Variants in ANO2 observed in about 807,000 individuals in gnomAD.
ANO2 encodes anoctamin-2.
A neutral mutation model predicts 124.2 loss-of-function variants in ANO2; 101 were observed. That is an observed-to-expected ratio of 0.81 (90% CI 0.69 to 0.96). The LOEUF (loss-of-function observed/expected upper bound fraction) is 0.96. Among genes scored for constraint, ANO2 ranks in the 40% least tolerant of loss-of-function variants. ANO2 has a pLI of 0.00. For synonymous variants in ANO2, 486 were observed against 482.5 expected (o/e 1.01, Z -0.09); for missense variants, 1,293 against 1,274.5 (o/e 1.01, Z -0.22).
chr12:5,695,439 A>T (rs1306929142), intron 14 of ANO2, among the ~76,000 whole-genome samples: 1 of 152,228 alleles, frequency 6.6e-6, no homozygotes, highest in Admixed American at 6.5e-5. Flanking sequence ...AAAAAAATCA[A>T]CATCATACAT....
Position 5,769,764 on chromosome 12 carries a change from C to T in ANO2, c.1056-18794G>A, listed in dbSNP as rs138157710. Among the ~76,000 whole-genome samples the T allele has an allele frequency of 4.6e-5, 7 of 152,170 alleles. No homozygotes were observed. The highest frequency in any genetic ancestry group is 1.9e-4 in the East Asian group (1 of 5,184). On this transcript the variant is annotated intron_variant, in intron 10 of 24. Coordinates refer to ENST00000682330, the MANE Select transcript of ANO2 (RefSeq NM_001364791.2). The surrounding 1 kb of genome is among the most constrained non-coding windows in gnomAD (Gnocchi z 4.0). ...TAGGTACTCTGCTGAATGTTTTGCA[C>T]GCATGATCCCTTAGGATCCTCACAA...
At chr12:5,861,727 G>A (rs1178115861) in intron 3 of ANO2, among the ~76,000 whole-genome samples, 1 of 152,124 alleles carries the variant, frequency 6.6e-6, no homozygotes, top group African/African-American at 2.4e-5. Context: ...CGATGATGGA[G>A]GAGCAGAGAG....
intron 3 of ANO2, among the ~76,000 whole-genome samples, chr12:5,918,522 C>T (rs563177818): frequency 5.9e-4 from 90 of 151,628 alleles, no homozygotes; most frequent in Non-Finnish European, 1.1e-3. Context: ...TCACTGCAAC[C>T]TCCACCTCCC....
intron 14 of ANO2, among the ~76,000 whole-genome samples, chr12:5,650,966 C>T (rs1478720101): frequency 1.3e-5 from 2 of 152,354 alleles, no homozygotes; most frequent in East Asian, 3.9e-4. Context: ...TAGCACCTCT[C>T]TCTCCTTTTA....
chr12:5,883,645 C>A (rs1938672941), intron 3 of ANO2, among the ~76,000 whole-genome samples: 1 of 151,900 alleles, frequency 6.6e-6, no homozygotes, highest in Non-Finnish European at 1.5e-5. Context: ...GGGCTCTAGG[C>A]CGGGAGCCCA....
chr12:5,916,385 C>T (rs922253542), intron 3 of ANO2, among the ~76,000 whole-genome samples: 2 of 149,546 alleles, frequency 1.3e-5, no homozygotes, highest in African/African-American at 2.5e-5. Context: ...GGCTATAAAA[C>T]AGTACCTTCT....
intron 20 of ANO2, among the ~76,000 whole-genome samples, chr12:5,583,472 T>A (rs1037767309): frequency 1.5e-4 from 23 of 151,504 alleles, no homozygotes; most frequent in Non-Finnish European, 2.5e-4. Flanking sequence ...GCTAACACGG[T>A]GAAACCCCGT....
In ANO2 at chr12:5,862,446, G is replaced by A. The variant is rs540212537; in HGVS notation, c.535-8305C>T. On this transcript the variant is annotated intron_variant, in intron 3 of 24. Coordinates refer to ENST00000682330, the MANE Select transcript of ANO2 (RefSeq NM_001364791.2). This position sits in a 1 kb window ranked among gnomAD's most constrained non-coding sequence, Gnocchi z 4.0. The stretch of plus-strand genomic sequence containing the variant: ...TCTGGGTGCCAACCTGGACAGACAC[G>A]CAGAACGGGTGATCTCTGGACCTAT... 6.6e-6 allele frequency among the ~76,000 whole-genome samples: 1 copy of A among 152,298 alleles called. No individual in the cohort carries two copies. Among genetic ancestry groups the A allele is most frequent in the African/African-American group, 2.4e-5 (1 of 41,558 alleles).
chr12:5,700,502 T>C (rs1381763427), intron 14 of ANO2, among the ~76,000 whole-genome samples: 1 of 151,994 alleles, frequency 6.6e-6, no homozygotes, highest in African/African-American at 2.4e-5. Flanking sequence ...AGATCTAAAA[T>C]CAATACCCTA....
At chr12:5,942,410 G>A (rs975688208) in intron 1 of ANO2, among the ~76,000 whole-genome samples, 2 of 152,140 alleles carry the variant, frequency 1.3e-5, no homozygotes, top group African/African-American at 4.8e-5. Context: ...CGTTATGTTG[G>A]GCAATGTCTT....
chr12:5,665,617 A>C (rs1947664387), intron 14 of ANO2, among the ~76,000 whole-genome samples: 1 of 152,154 alleles, frequency 6.6e-6, no homozygotes, highest in Non-Finnish European at 1.5e-5. Flanking sequence ...CCCAGGAGCC[A>C]ATGGTGACAC....
At chr12:5,858,296 T>C (rs922644790) in intron 3 of ANO2, among the ~76,000 whole-genome samples, 1 of 152,208 alleles carries the variant, frequency 6.6e-6, no homozygotes, top group Non-Finnish European at 1.5e-5. Flanking sequence ...CCCATAAGTA[T>C]GTACAGTTAC....
chr12:5,855,473 CT>C (rs760741080), intron 3 of ANO2, among the ~76,000 whole-genome samples: 2 of 152,212 alleles, frequency 1.3e-5, no homozygotes, highest in African/African-American at 2.4e-5. Flanking sequence ...CCAAACCTCA[CT>C]TTGAGGAAGA....
Position 5,658,890 on chromosome 12 carries a change from A to G in ANO2, c.1546-11089T>C, listed in dbSNP as rs1210720896. 4.6e-5 allele frequency among the ~76,000 whole-genome samples: 7 copies of G among 152,164 alleles called. No homozygotes were observed. The highest frequency in any genetic ancestry group is 8.8e-5 in the Non-Finnish European group (6 of 68,040). On this transcript the variant is annotated intron_variant, in intron 14 of 24. Transcript: ENST00000682330. The surrounding 1 kb of genome is among the most constrained non-coding windows in gnomAD (Gnocchi z 4.3). ...CATCATCATCAACATCATTATCATC[A>G]TTAAAATCATCATCAGCAACAGCAG...
intron 14 of ANO2, among the ~76,000 whole-genome samples, chr12:5,681,418 C>T (rs1250324733): frequency 6.6e-6 from 1 of 152,112 alleles, no homozygotes; most frequent in Non-Finnish European, 1.5e-5. Context: ...GGCAGAGTGC[C>T]CAAGGTGCAG....
chr12:5,735,665 C>A (rs770899235), intron 13 of ANO2, among the ~76,000 whole-genome samples: 1 of 152,116 alleles, frequency 6.6e-6, no homozygotes, highest in Non-Finnish European at 1.5e-5. Context: ...AATGTTTTCA[C>A]TGAGACACAA....
intron 9 of ANO2, among the ~76,000 whole-genome samples, chr12:5,804,538 T>G (rs1470543132): frequency 6.6e-6 from 1 of 152,224 alleles, no homozygotes; most frequent in Non-Finnish European, 1.5e-5. Context: ...GAGTTATCCA[T>G]GGAGATGCAA....
intron 4 of ANO2, among the ~76,000 whole-genome samples, chr12:5,844,169 A>C (rs1042244381): frequency 2.1e-4 from 32 of 152,346 alleles, no homozygotes; most frequent in African/African-American, 7.5e-4. Flanking sequence ...AAATACTTAA[A>C]GCATTTGGAA....
chr12:5,720,002 AT>A lies in ANO2; in HGVS notation c.1545+12517del, dbSNP rs368878160. The stretch of plus-strand genomic sequence containing the variant: ...ATCTGGGAGAATCCAAAGTAAGGAC[AT>A]TTTTTTTTTCAAGCTAGTTCTTTAT... On this transcript the variant is annotated intron_variant, in intron 14 of 24. Coordinates refer to ENST00000682330, the MANE Select transcript of ANO2 (RefSeq NM_001364791.2). 5.0e-3 allele frequency among the ~76,000 whole-genome samples: 737 copies of A among 148,132 alleles called. 1 individual carries two copies. Among genetic ancestry groups the A allele is most frequent in the Non-Finnish European group, 7.5e-3 (501 of 66,906 alleles).
Sources: gnomAD v4.1 joint callset for allele counts (sites outside exome capture counted in the v4.1 genomes callset) on GRCh38, gnomAD v4.1.1 for gene constraint, Gnocchi (gnomAD v3.1) non-coding constraint, MANE v1.5 for transcripts, NCBI Gene and HGNC (gene_info 2026-07-23, HGNC 2026-07-21) for gene names.